LRRC4C: variants seen among roughly 807,000 people sequenced by gnomAD.
The protein encoded by LRRC4C is leucine-rich repeat-containing protein 4C.
In LRRC4C, 5 loss-of-function variants were observed where a neutral mutation model predicts 33.6. The observed-to-expected ratio is 0.15, with a 90% confidence interval of 0.08 to 0.31. LRRC4C has a LOEUF of 0.31. LRRC4C is among the 10% of genes least tolerant of loss of function. The pLI is 1.00. For synonymous variants in LRRC4C, 329 were observed against 302.0 expected (o/e 1.09, Z -0.93); for missense variants, 560 against 796.7 (o/e 0.70, Z 3.58).
At chr11:40,861,764 T>C (rs1307279939) in intron 2 of LRRC4C, among the ~76,000 whole-genome samples, 2 of 152,198 alleles carry the variant, frequency 1.3e-5, no homozygotes, top group Non-Finnish European at 2.9e-5. Flanking sequence ...GGTGCCAACA[T>C]CTGTTTCTTG....
rs987670170 is a variant in LRRC4C at position 40,947,181 on chromosome 11, G to C, written c.-495-13458C>G. ...TGAATTATACATCTTAATCATGTAT[G>C]ACTTTTTTATGTTGAACAGTTTTGG... On this transcript the variant is annotated intron_variant, in intron 1 of 6. Coordinates refer to ENST00000528697, the MANE Select transcript of LRRC4C (RefSeq NM_001258419.2). Among the ~76,000 whole-genome samples the C allele has an allele frequency of 2.4e-4, 37 of 152,084 alleles. 1 individual carries two copies. Among genetic ancestry groups the C allele is most frequent in the African/African-American group, 9.7e-5 (4 of 41,412 alleles).
rs573268510 is a variant in LRRC4C at position 41,109,445 on chromosome 11, T to A, written c.-495-175722A>T. Among the ~76,000 whole-genome samples the A allele has an allele frequency of 1.6e-4, 24 of 152,214 alleles. 1 individual carries two copies. In the East Asian group the frequency reaches 4.6e-3, roughly 29 times the overall value. ...TATAGAAAGACAATAAAGGCTTTATTTAGAATCAGAAACAAAGCCAGATAT... is the reference window on the plus strand; with the variant it reads ...TATAGAAAGACAATAAAGGCTTTATATAGAATCAGAAACAAAGCCAGATAT... On this transcript the variant is annotated intron_variant, in intron 1 of 6. Coordinates refer to ENST00000528697, the MANE Select transcript of LRRC4C (RefSeq NM_001258419.2).
chr11:40,649,497 A>AC (rs1942659403), intron 2 of LRRC4C, among the ~76,000 whole-genome samples: 2 of 152,174 alleles, frequency 1.3e-5, no homozygotes, highest in Non-Finnish European at 2.9e-5. Context: ...TGTTCCCTGA[A>AC]AATCACTGTC....
At chr11:40,442,035 C>T (rs1951418357) in intron 3 of LRRC4C, among the ~76,000 whole-genome samples, 1 of 151,778 alleles carries the variant, frequency 6.6e-6, no homozygotes, top group South Asian at 2.1e-4. Flanking sequence ...TGGTGGCAGG[C>T]GACTGTAGTC....
At chr11:40,461,691 ATCT>A (rs968898633) in intron 3 of LRRC4C, among the ~76,000 whole-genome samples, 33 of 148,518 alleles carry the variant, frequency 2.2e-4, no homozygotes, top group Admixed American at 6.1e-4. Flanking sequence ...TTATATAATA[ATCT>A]TCTTTTATTA....
At chr11:40,718,345 A>G (rs1946835706) in intron 2 of LRRC4C, among the ~76,000 whole-genome samples, 1 of 152,216 alleles carries the variant, frequency 6.6e-6, no homozygotes, top group South Asian at 2.1e-4. Flanking sequence ...CAAAACAAAA[A>G]TTATCCATCC....
At chr11:40,442,712 A>G (rs1489952173) in intron 3 of LRRC4C, among the ~76,000 whole-genome samples, 1 of 152,214 alleles carries the variant, frequency 6.6e-6, no homozygotes, top group Non-Finnish European at 1.5e-5. Context: ...TTTTAGCAGC[A>G]GAAAAAGCTT....
intron 1 of LRRC4C, among the ~76,000 whole-genome samples, chr11:41,079,184 G>A (rs1356873234): frequency 6.6e-6 from 1 of 152,170 alleles, no homozygotes; most frequent in Non-Finnish European, 1.5e-5. Flanking sequence ...TGCAAATACA[G>A]CCTTGTAACT....
At chr11:40,481,442 T>C (rs1953557718) in intron 3 of LRRC4C, among the ~76,000 whole-genome samples, 1 of 152,162 alleles carries the variant, frequency 6.6e-6, no homozygotes, top group Non-Finnish European at 1.5e-5. Context: ...TTAACATACA[T>C]ACTGGGTGTT....
intron 3 of LRRC4C, among the ~76,000 whole-genome samples, chr11:40,577,111 T>A (rs1427611891): frequency 6.6e-6 from 1 of 152,032 alleles, no homozygotes; most frequent in Non-Finnish European, 1.5e-5. Context: ...ATACACTGAG[T>A]TTTTTAAATC....
At chr11:41,144,171 C>T (rs981725425) in intron 1 of LRRC4C, among the ~76,000 whole-genome samples, 1 of 152,112 alleles carries the variant, frequency 6.6e-6, no homozygotes, top group African/African-American at 2.4e-5. Flanking sequence ...ACCAGGGCAG[C>T]TCAAGATGGA....
chr11:40,392,808 A>G (rs1949388623), intron 3 of LRRC4C, among the ~76,000 whole-genome samples: 1 of 152,254 alleles, frequency 6.6e-6, no homozygotes, highest in Admixed American at 6.5e-5. Flanking sequence ...TGGGAGACAA[A>G]AATAAATAAA....
intron 3 of LRRC4C, among the ~76,000 whole-genome samples, chr11:40,450,164 T>C (rs1469479068): frequency 1.3e-5 from 2 of 152,160 alleles, no homozygotes; most frequent in East Asian, 1.9e-4. Context: ...ACTCACTAAA[T>C]ATGCCCTTCC....
At chr11:40,652,072 G>T (rs78718152) in intron 2 of LRRC4C, among the ~76,000 whole-genome samples, 10 of 152,114 alleles carry the variant, frequency 6.6e-5, no homozygotes, top group Non-Finnish European at 1.5e-5. Flanking sequence ...AAAAGGCTTA[G>T]CAGGGTCTCA....
At chr11:40,433,722 G>A (rs944514615) in intron 3 of LRRC4C, among the ~76,000 whole-genome samples, 5 of 152,174 alleles carry the variant, frequency 3.3e-5, no homozygotes, top group African/African-American at 1.2e-4. Context: ...TATTTATCAT[G>A]TTGCCCACAG....
intron 6 of LRRC4C, among the ~76,000 whole-genome samples, chr11:40,129,710 A>T (rs1856514248): frequency 2.0e-5 from 3 of 152,074 alleles, no homozygotes; most frequent in Non-Finnish European, 4.4e-5. Context: ...TGCTACAGAG[A>T]CTCATTTGAA....
At chr11:40,902,499 A>G (rs1479344755) in intron 2 of LRRC4C, among the ~76,000 whole-genome samples, 1 of 152,134 alleles carries the variant, frequency 6.6e-6, no homozygotes, top group East Asian at 1.9e-4. Context: ...CCTACATTCA[A>G]TTTAAATCAA....
At chr11:40,967,473 T>C (rs1156392714) in intron 1 of LRRC4C, among the ~76,000 whole-genome samples, 1 of 152,118 alleles carries the variant, frequency 6.6e-6, no homozygotes, top group Non-Finnish European at 1.5e-5. Flanking sequence ...AACTGAATGC[T>C]TTTTGCAACC....
intron 3 of LRRC4C, among the ~76,000 whole-genome samples, chr11:40,381,193 G>C (rs1226224789): frequency 1.3e-5 from 2 of 150,412 alleles, no homozygotes; most frequent in African/African-American, 4.9e-5. Flanking sequence ...TAACCATTTA[G>C]TGATGTGCTA....
Sources: gnomAD v4.1 joint callset for allele counts (sites outside exome capture counted in the v4.1 genomes callset) on GRCh38, gnomAD v4.1.1 for gene constraint, MANE v1.5 for transcripts, NCBI Gene and HGNC (gene_info 2026-07-23, HGNC 2026-07-21) for gene names.